Variants in HSD17B12 observed in about 807,000 individuals in gnomAD.
The protein encoded by HSD17B12 is hydroxysteroid 17-beta dehydrogenase 12, also known as very-long-chain 3-oxoacyl-CoA reductase.
In HSD17B12, 32 loss-of-function variants were observed where a neutral mutation model predicts 39.3. The ratio of observed to expected loss-of-function variants is 0.81; its 90% confidence interval spans 0.61 to 1.09. The LOEUF is 1.09. Among genes scored for constraint, HSD17B12 ranks in the 50% least tolerant of loss-of-function variants. HSD17B12 has a pLI of 0.00. For synonymous variants in HSD17B12, 150 were observed against 146.7 expected (o/e 1.02, Z -0.16); for missense variants, 342 against 382.9 (o/e 0.89, Z 0.89).
At chr11:43,577,274 G>C in the HSD17B12 span, among the ~76,000 whole-genome samples, 1 of 152,234 alleles carries the variant, frequency 6.6e-6, no homozygotes, top group Non-Finnish European at 1.5e-5. Context: ...AGAGGGATAC[G>C]GGGACGAGAG....
chr11:43,730,017 C>G (rs546859643), intron 1 of HSD17B12, among the ~76,000 whole-genome samples: 1 of 151,100 alleles, frequency 6.6e-6, no homozygotes, highest in Non-Finnish European at 1.5e-5. Flanking sequence ...ACTTGACATA[C>G]TGTTTTTAAA....
At chr11:43,558,119 G>T in the HSD17B12 span, among the ~76,000 whole-genome samples, 3 of 152,142 alleles carry the variant, frequency 2.0e-5, no homozygotes, top group Admixed American at 6.5e-5. Context: ...ACTTCAAGGG[G>T]TTTTTTAATC....
At chr11:43,843,542 C>T (rs775834073) in intron 9 of HSD17B12, among the ~76,000 whole-genome samples, 11 of 152,330 alleles carry the variant, frequency 7.2e-5, no homozygotes, top group South Asian at 4.1e-4. Flanking sequence ...TCCTCCCCGA[C>T]GTTCAGGCCA....
chr11:43,845,865 G>T (rs1951470603), intron 9 of HSD17B12, among the ~76,000 whole-genome samples: 1 of 152,200 alleles, frequency 6.6e-6, no homozygotes, highest in Non-Finnish European at 1.5e-5. Flanking sequence ...ATTTCCCCTA[G>T]ATGTAGCATC....
the HSD17B12 span, among the ~76,000 whole-genome samples, chr11:43,557,615 G>A: frequency 6.6e-6 from 1 of 152,230 alleles, no homozygotes; most frequent in Non-Finnish European, 1.5e-5. Flanking sequence ...AACTGCTACA[G>A]CTCACAACCA....
the HSD17B12 span, among the ~76,000 whole-genome samples, chr11:43,634,695 G>A: frequency 7.2e-5 from 11 of 152,206 alleles, no homozygotes; most frequent in African/African-American, 1.4e-4. Context: ...TCCAGTGTTC[G>A]ATTTAAAGTA....
intron 4 of HSD17B12, among the ~76,000 whole-genome samples, chr11:43,814,411 C>A (rs1267525232): frequency 6.6e-6 from 1 of 151,884 alleles, no homozygotes; most frequent in Non-Finnish European, 1.5e-5. Flanking sequence ...GATAGATCAT[C>A]TATCTCATGA....
intron 1 of HSD17B12, among the ~76,000 whole-genome samples, chr11:43,686,719 G>T (rs1033099513): frequency 1.3e-5 from 2 of 151,536 alleles, no homozygotes; most frequent in South Asian, 4.2e-4. Flanking sequence ...AGATTTCATA[G>T]GCTTATTGTG....
chr11:43,662,793 A>T, the HSD17B12 span, among the ~76,000 whole-genome samples: 4 of 152,292 alleles, frequency 2.6e-5, no homozygotes, highest in Non-Finnish European at 5.9e-5. Context: ...ACTATTGACT[A>T]TTCCTACCTT....
chr11:43,631,667 C>T, the HSD17B12 span, among the ~76,000 whole-genome samples: 1 of 152,062 alleles, frequency 6.6e-6, no homozygotes, highest in South Asian at 2.1e-4. Context: ...CCCTCTGTCT[C>T]TCTCTCCATC....
At chr11:43,739,610 C>A (rs575258040) in intron 1 of HSD17B12, among the ~76,000 whole-genome samples, 1 of 152,106 alleles carries the variant, frequency 6.6e-6, no homozygotes, top group Non-Finnish European at 1.5e-5. Flanking sequence ...TTTATAAGGG[C>A]CTTAATTCCA....
At chr11:43,704,506 C>G (rs1949996127) in intron 1 of HSD17B12, among the ~76,000 whole-genome samples, 1 of 152,212 alleles carries the variant, frequency 6.6e-6, no homozygotes, top group African/African-American at 2.4e-5. Flanking sequence ...GACTGCAACA[C>G]TTGGGGAAGA....
chr11:43,663,577 A>C, the HSD17B12 span, among the ~76,000 whole-genome samples: 9 of 152,210 alleles, frequency 5.9e-5, no homozygotes, highest in African/African-American at 2.2e-4. Context: ...AAAGTAAGGC[A>C]GACAAATTTT....
Position 43,854,840 on chromosome 11 carries a change from T to C in HSD17B12, c.810T>C (p.Asn270=), listed in dbSNP as rs1420696656. 2 of 1,614,214 alleles carry C rather than the reference T, an allele frequency of 1.2e-6. No homozygotes were observed. The highest frequency in any genetic ancestry group is 1.7e-6 in the Non-Finnish European group (2 of 1,180,026). ...CAGTCGGCCTGCAATCCCGAACCAATGGATACCTGATCCATGCTCTTATGG... is the reference window on the plus strand; with the variant it reads ...CAGTCGGCCTGCAATCCCGAACCAACGGATACCTGATCCATGCTCTTATGG... ...IKTVGLQSRT[N]GYLIHALMGS... Residue 270 remains asparagine (N), a synonymous_variant, in exon 10 of 11, where the codon AAT becomes AAC. Coordinates refer to ENST00000278353, the MANE Select transcript of HSD17B12 (RefSeq NM_016142.3).
chr11:43,659,097 C>T, the HSD17B12 span, among the ~76,000 whole-genome samples: 4 of 152,310 alleles, frequency 2.6e-5, no homozygotes, highest in Admixed American at 1.3e-4. Flanking sequence ...CAATGGTGGG[C>T]GCCCCTTCCC....
At chr11:43,708,638 A>G (rs1007903448) in intron 1 of HSD17B12, among the ~76,000 whole-genome samples, 1 of 152,230 alleles carries the variant, frequency 6.6e-6, no homozygotes, top group African/African-American at 2.4e-5. Context: ...AGTTGGGTGT[A>G]CTATTGTTGA....
At chr11:43,593,172 T>C in the HSD17B12 span, among the ~76,000 whole-genome samples, 1 of 152,220 alleles carries the variant, frequency 6.6e-6, no homozygotes, top group African/African-American at 2.4e-5. Context: ...CTAGGCCATC[T>C]TTCTCACCTG....
At chr11:43,782,188 G>C (rs1216941991) in intron 3 of HSD17B12, among the ~76,000 whole-genome samples, 1 of 152,106 alleles carries the variant, frequency 6.6e-6, no homozygotes, top group African/African-American at 2.4e-5. Flanking sequence ...ACCAAGTGAA[G>C]GTCACAAATA....
At chr11:43,818,999 C>G (rs1951156484) in intron 6 of HSD17B12, among the ~76,000 whole-genome samples, 1 of 152,084 alleles carries the variant, frequency 6.6e-6, no homozygotes, top group Non-Finnish European at 1.5e-5. Flanking sequence ...TATATCTTTT[C>G]TGGTACATTT....
Sources: gnomAD v4.1 joint callset for allele counts (sites outside exome capture counted in the v4.1 genomes callset) on GRCh38, gnomAD v4.1.1 for gene constraint, MANE v1.5 for transcripts, NCBI Gene and HGNC (gene_info 2026-07-23, HGNC 2026-07-21) for gene names.